Variants in SLC23A2 observed in about 807,000 individuals in gnomAD.
SLC23A2 encodes Na(+)/L-ascorbic acid transporter 2.
Under a neutral mutation model 73.3 loss-of-function variants are expected in SLC23A2, and 36 were observed. The ratio of observed to expected loss-of-function variants is 0.49; its 90% CI spans 0.38 to 0.65. The LOEUF is 0.65. Ranked by LOEUF, SLC23A2 falls within the 30% of genes least tolerant of loss-of-function variation. SLC23A2 has a pLI of 0.00. For missense variants in SLC23A2, 507 were observed against 841.6 expected, an observed-to-expected ratio of 0.60 and a Z score of 4.92; for synonymous variants, 343 against 327.3, an observed-to-expected ratio of 1.05 and a Z score of -0.52.
intron 11 of SLC23A2, among the ~76,000 whole-genome samples, chr20:4,870,894 T>A (rs1930423547): frequency 6.6e-6 from 1 of 152,202 alleles, no homozygotes; most frequent in Non-Finnish European, 1.5e-5. Context: ...TATTTTTATA[T>A]CATAAACCAT....
At chr20:5,009,378 G>A (rs1254726098) in intron 1 of SLC23A2, among the ~76,000 whole-genome samples, 1 of 152,092 alleles carries the variant, frequency 6.6e-6, no homozygotes, top group Admixed American at 6.6e-5. Context: ...TTCTTGCTCA[G>A]AAAGTCCCAC....
chr20:4,939,168 CAGAA>C (rs982086643), intron 2 of SLC23A2, among the ~76,000 whole-genome samples: 2 of 152,188 alleles, frequency 1.3e-5, no homozygotes, highest in Non-Finnish European at 2.9e-5. Flanking sequence ...CTGTGGGAAA[CAGAA>C]AGAAACAGTA....
rs147035231 is a variant in SLC23A2, at chr20:4,975,443, C to T, written c.-281-4524G>A. On this transcript the variant is annotated intron_variant, in intron 1 of 16. Transcript: ENST00000338244. The stretch of plus-strand genomic sequence containing the variant: ...TTGCCCAGGCTGGAATGCAGTGGTG[C>T]CATCTTGGCTCACTGCAAACTCCAC... 6.9e-3 allele frequency among the ~76,000 whole-genome samples: 1,043 copies of T among 152,164 alleles called. 5 individuals carry two copies. Among genetic ancestry groups the T allele is most frequent in the Non-Finnish European group, 0.011 (780 of 67,994 alleles).
At chr20:5,007,974 A>G (rs1270793561) in intron 1 of SLC23A2, among the ~76,000 whole-genome samples, 1 of 151,464 alleles carries the variant, frequency 6.6e-6, no homozygotes, top group Non-Finnish European at 1.5e-5. Flanking sequence ...CAATGGCATG[A>G]TCTTGGCTAA....
chr20:4,998,474 C>T lies in SLC23A2; in HGVS notation c.-282+2932G>A, dbSNP rs1262022519. Among the ~76,000 whole-genome samples the T allele has an allele frequency of 6.6e-6, 1 of 152,120 alleles. No individual in the cohort carries two copies. The highest frequency in any genetic ancestry group is 1.9e-4 in the East Asian group (1 of 5,198). ...AGAGAAAATGAGAAGAACGGCATAG[C>T]GCACAAAGGGCTCGTTTCAACCTAG... On this transcript the variant is annotated intron_variant, in intron 1 of 16. Coordinates refer to ENST00000338244, the MANE Select transcript of SLC23A2 (RefSeq NM_005116.6). This position sits in a 1 kb window ranked among gnomAD's most constrained non-coding sequence, Gnocchi z 4.1.
Position 4,977,317 on chromosome 20 carries a change from T to C in SLC23A2, c.-281-6398A>G, listed in dbSNP as rs192597156. 2.4e-3 allele frequency among the ~76,000 whole-genome samples: 363 copies of C among 152,306 alleles called. 2 individuals carry two copies. Among genetic ancestry groups the C allele is most frequent in the Admixed American group, 7.8e-3 (120 of 15,298 alleles). On this transcript the variant is annotated intron_variant, in intron 1 of 16. Coordinates refer to ENST00000338244, the MANE Select transcript of SLC23A2 (RefSeq NM_005116.6). ...ATCTTCCCAGGGTTTCAGATGTAGG[T>C]GGTGTCCTATTTCTTTTTGTTTTTC...
Position 4,863,718 on chromosome 20 carries a change from T to C in SLC23A2, c.1357-811A>G, listed in dbSNP as rs1930079180. The stretch of plus-strand genomic sequence containing the variant: ...GAAATAAAGCCCACTTCTCAGGCTC[T>C]TTCCAAGCACACCAGGCAGGCCTGG... On this transcript the variant is annotated intron_variant, in intron 13 of 16. Coordinates refer to ENST00000338244, the MANE Select transcript of SLC23A2 (RefSeq NM_005116.6). This position sits in a 1 kb window ranked among gnomAD's most constrained non-coding sequence, Gnocchi z 4.8. Among the ~76,000 whole-genome samples the C allele has an allele frequency of 6.6e-6, 1 of 152,102 alleles. No homozygotes were observed. Among genetic ancestry groups the C allele is most frequent in the South Asian group, 2.1e-4 (1 of 4,828 alleles).
At chr20:4,953,248 G>A (rs1411891441) in intron 2 of SLC23A2, among the ~76,000 whole-genome samples, 2 of 152,104 alleles carry the variant, frequency 1.3e-5, no homozygotes, top group Non-Finnish European at 2.9e-5. Context: ...GGAGACTGCA[G>A]TCAGCCAAGA....
intron 1 of SLC23A2, among the ~76,000 whole-genome samples, chr20:4,986,687 C>G (rs2203906): frequency 0.032 from 2,075 of 64,172 alleles, 46 homozygotes; most frequent in African/African-American, 0.074. Flanking sequence ...CACACACACA[C>G]ACAGAGATGA....
At chr20:4,961,531 T>C (rs752679564) in intron 2 of SLC23A2, among the ~76,000 whole-genome samples, 1 of 152,156 alleles carries the variant, frequency 6.6e-6, no homozygotes, top group South Asian at 2.1e-4. Flanking sequence ...CTTAAAACAT[T>C]TGAGATTTTT....
At position 4,985,134 on chromosome 20, in the gene SLC23A2, TCC is replaced by T. The variant is rs2087803401; in HGVS notation, c.-281-14217_-281-14216del. Among the ~76,000 whole-genome samples the T allele has an allele frequency of 5.2e-5, 3 of 57,872 alleles. No individual in the cohort carries two copies. The South Asian group carries it at 2.3e-3, about 44-fold the overall frequency. 38.0% of individuals were successfully genotyped at this position (57,872 alleles called of 152,430 possible). A position where few individuals can be genotyped will look rare whatever the true frequency, so the allele number is the denominator to read the frequency against. ...CCTGGTGACAGAGCAAGACTCCGTC[TCC>T]AAAAAAAAAAAAAAAAAAAGTTAAA... On this transcript the variant is annotated intron_variant, in intron 1 of 16. Transcript: ENST00000338244.
upstream of SLC23A2, among the ~76,000 whole-genome samples, chr20:5,001,771 C>T (rs2088132031): frequency 6.6e-6 from 1 of 151,944 alleles, no homozygotes; most frequent in African/African-American, 2.4e-5. Flanking sequence ...ACACCTGTTC[C>T]TGGGGACCCA....
At chr20:4,873,908 T>C (rs1201731838) in intron 11 of SLC23A2, 28 bp downstream of exon 11, 1 of 1,599,244 alleles carries the variant, frequency 6.3e-7, no homozygotes, top group Non-Finnish European at 8.5e-7. Flanking sequence ...CGTGGGCTCT[T>C]GACCCCTCTA....
chr20:5,000,261 AC>A (rs1386690254), intron 1 of SLC23A2, among the ~76,000 whole-genome samples: 1 of 152,220 alleles, frequency 6.6e-6, no homozygotes, highest in South Asian at 2.1e-4. Context: ...GGTGTAGACA[AC>A]CAGAAACGGT....
intron 2 of SLC23A2, among the ~76,000 whole-genome samples, chr20:4,945,265 T>C: frequency 6.6e-6 from 1 of 152,170 alleles, no homozygotes; most frequent in East Asian, 1.9e-4. Flanking sequence ...CCTGCAGTCT[T>C]CTCCAAAACA....
At chr20:4,906,123 A>G (rs1931944040) in intron 4 of SLC23A2, among the ~76,000 whole-genome samples, 1 of 152,190 alleles carries the variant, frequency 6.6e-6, no homozygotes, top group Non-Finnish European at 1.5e-5. Flanking sequence ...AGACTGCTTG[A>G]GCTCAGGAGT....
intron 13 of SLC23A2, among the ~76,000 whole-genome samples, chr20:4,865,377 T>C (rs528868807): frequency 3.8e-4 from 58 of 152,300 alleles, no homozygotes; most frequent in African/African-American, 1.4e-3. Flanking sequence ...CTGGTCCAGG[T>C]AGGGAGGCAC....
intron 2 of SLC23A2, among the ~76,000 whole-genome samples, chr20:4,962,979 ACAGAG>A (rs1168060458): frequency 6.6e-6 from 1 of 152,164 alleles, no homozygotes; most frequent in Non-Finnish European, 1.5e-5. Flanking sequence ...AGCCTGGGTG[ACAGAG>A]CAAGACTATC....
chr20:4,869,333 C>A (rs60097327), intron 12 of SLC23A2, among the ~76,000 whole-genome samples: 11,396 of 109,346 alleles, frequency 0.1, 479 homozygotes, highest in Admixed American at 0.12. Flanking sequence ...AACAAACAAA[C>A]AAAAAAAAAA....
Sources: gnomAD v4.1 joint callset for allele counts (sites outside exome capture counted in the v4.1 genomes callset) on GRCh38, gnomAD v4.1.1 for gene constraint, Gnocchi (gnomAD v3.1) non-coding constraint, MANE v1.5 for transcripts, NCBI Gene and HGNC (gene_info 2026-07-23, HGNC 2026-07-21) for gene names.